Variants in RCOR1 observed in about 807,000 individuals in gnomAD.
The protein encoded by RCOR1 is REST corepressor.
A neutral mutation model predicts 64.0 loss-of-function variants in RCOR1; 12 were observed. That is an observed-to-expected ratio of 0.19 (90% CI 0.12 to 0.30). The LOEUF (loss-of-function observed/expected upper bound fraction) is 0.30. Ranked by LOEUF, RCOR1 falls within the 10% of genes least tolerant of loss-of-function variation. RCOR1 has a pLI of 1.00. For synonymous variants in RCOR1, 279 were observed against 227.2 expected (o/e 1.23, Z -2.05); for missense variants, 502 against 621.2 (o/e 0.81, Z 2.04).
chr14:102,609,943 C>T (rs958998163), intron 2 of RCOR1, among the ~76,000 whole-genome samples: 5 of 152,054 alleles, frequency 3.3e-5, no homozygotes, highest in East Asian at 1.9e-4. Flanking sequence ...ATTGAGCCCA[C>T]CCTGGACAAC....
chr14:102,660,151 C>T (rs1894801648), intron 2 of RCOR1, among the ~76,000 whole-genome samples: 1 of 152,098 alleles, frequency 6.6e-6, no homozygotes, highest in Non-Finnish European at 1.5e-5. Context: ...AGGTACACAC[C>T]TAGAATTTCA....
At position 102,711,024 on chromosome 14, in the gene RCOR1, C is replaced by T; in HGVS notation, c.858+11C>T. 3.8e-6 allele frequency: 6 copies of T among 1,560,094 alleles called. No homozygotes were observed. The highest frequency in any genetic ancestry group is 5.2e-6 in the Non-Finnish European group (6 of 1,145,368). ...GAAAGCAAAAAGGAGGTATTTTTTC[C>T]CCCTAGTATTGTTTAGGCGAATAAA... is the stretch of plus-strand genomic sequence containing the variant. On this transcript the variant is annotated intron_variant, in intron 7 of 11. Coordinates refer to ENST00000262241, the MANE Select transcript of RCOR1 (RefSeq NM_015156.4).
At chr14:102,694,405 C>T (rs1371245892) in intron 3 of RCOR1, among the ~76,000 whole-genome samples, 4 of 152,124 alleles carry the variant, frequency 2.6e-5, no homozygotes, top group East Asian at 1.9e-4. Context: ...TATAGGCACC[C>T]GCCACCATGC....
Position 102,710,965 on chromosome 14 carries a change from C to A in RCOR1, c.810C>A (p.Asn270Lys), listed in dbSNP as rs765076418. The change falls in exon 7 of 12, where the codon AAC becomes AAA. Residue 270 changes from asparagine (N) to lysine (K), a missense_variant. By Grantham distance (94) the Asn-to-Lys change is moderately conservative. Coordinates refer to ENST00000262241, the MANE Select transcript of RCOR1 (RefSeq NM_015156.4). Reference sequence around the variant, plus strand: ...ATGAACTGGAAGAGGCAAATGGAAACAATCCCATTGACATTGAGGTTGATC... The same window carrying A: ...ATGAACTGGAAGAGGCAAATGGAAAAAATCCCATTGACATTGAGGTTGATC... ...SEDELEEANG[N>K]NPIDIEVDQN... 4 of 1,608,592 alleles carry A rather than the reference C, an allele frequency of 2.5e-6. No homozygotes were observed. The Admixed American group carries it at 6.9e-5, about 28-fold the overall frequency.
intron 2 of RCOR1, among the ~76,000 whole-genome samples, chr14:102,678,175 C>T (rs1895230534): frequency 6.6e-6 from 1 of 152,050 alleles, no homozygotes; most frequent in African/African-American, 2.4e-5. Context: ...TTTGGCTCGG[C>T]ATCAGAGGGA....
intron 2 of RCOR1, among the ~76,000 whole-genome samples, chr14:102,651,532 A>C (rs2139929941): frequency 6.6e-6 from 1 of 151,892 alleles, no homozygotes; most frequent in Non-Finnish European, 1.5e-5. Flanking sequence ...TAGCCTGGGC[A>C]ACAGAGTGAG....
At chr14:102,611,400 A>G (rs1403436312) in intron 2 of RCOR1, among the ~76,000 whole-genome samples, 1 of 152,100 alleles carries the variant, frequency 6.6e-6, no homozygotes, top group Non-Finnish European at 1.5e-5. Flanking sequence ...GCCCTTGTCT[A>G]CTAATTCTAT....
intron 2 of RCOR1, among the ~76,000 whole-genome samples, chr14:102,633,462 A>T (rs1301767437): frequency 6.6e-6 from 1 of 152,126 alleles, no homozygotes; most frequent in Non-Finnish European, 1.5e-5. Context: ...TTAAAGTGCT[A>T]GGATTACAGG....
At chr14:102,599,055 A>G (rs548992842) in intron 2 of RCOR1, among the ~76,000 whole-genome samples, 13 of 152,106 alleles carry the variant, frequency 8.5e-5, no homozygotes, top group Non-Finnish European at 1.8e-4. Flanking sequence ...ATGCTTATCT[A>G]TCCTACCTCT....
At chr14:102,624,792 A>AGCCT (rs1184036815) in intron 2 of RCOR1, among the ~76,000 whole-genome samples, 5 of 151,814 alleles carry the variant, frequency 3.3e-5, no homozygotes, top group African/African-American at 1.2e-4. Context: ...AAAAAGCATT[A>AGCCT]CTTAATCTCT....
intron 2 of RCOR1, among the ~76,000 whole-genome samples, chr14:102,664,914 T>A (rs1708410628): frequency 6.6e-6 from 1 of 152,204 alleles, no homozygotes; most frequent in African/African-American, 2.4e-5. Context: ...GGTACAAAAG[T>A]GATACACACT....
intron 2 of RCOR1, among the ~76,000 whole-genome samples, chr14:102,666,411 C>G (rs1386757861): frequency 6.6e-6 from 1 of 152,156 alleles, no homozygotes; most frequent in Non-Finnish European, 1.5e-5. Flanking sequence ...CCCAGTTTCC[C>G]CGTTATTAAC....
intron 2 of RCOR1, among the ~76,000 whole-genome samples, chr14:102,654,123 C>CT (rs1020697924): frequency 6.6e-6 from 1 of 150,922 alleles, no homozygotes. Flanking sequence ...GTAGCTGGGA[C>CT]TACAGGTGCC....
At chr14:102,607,869 G>A (rs967191341) in intron 2 of RCOR1, among the ~76,000 whole-genome samples, 1 of 151,980 alleles carries the variant, frequency 6.6e-6, no homozygotes, top group African/African-American at 2.4e-5. Context: ...GCAACAGAGC[G>A]AGACTCTGTC....
In RCOR1 at chr14:102,632,411, G is replaced by A. The variant is rs150695090; in HGVS notation, c.361+39086G>A. ...TTTTTGTATTTTTAGTAGAGACGGG[G>A]TTTCAACGTGTTCTCGATGTCCTGA... On this transcript the variant is annotated intron_variant, in intron 2 of 11. Transcript: ENST00000262241. Among the ~76,000 whole-genome samples the A allele has an allele frequency of 1.6e-4, 24 of 150,806 alleles. No homozygotes were observed. In the East Asian group the frequency reaches 4.7e-3, roughly 30 times the overall value.
At chr14:102,694,417 C>T (rs374519392) in intron 3 of RCOR1, among the ~76,000 whole-genome samples, 203 of 152,222 alleles carry the variant, frequency 1.3e-3, no homozygotes, top group Middle Eastern at 6.8e-3. Context: ...CCACCATGCC[C>T]GGCTAATTTT....
chr14:102,595,821 C>T (rs866459956), intron 2 of RCOR1, among the ~76,000 whole-genome samples: 5 of 152,034 alleles, frequency 3.3e-5, no homozygotes, highest in Admixed American at 2.0e-4. Flanking sequence ...CCTCGTGATC[C>T]GCCCGTCTCG....
chr14:102,658,430 G>A, intron 2 of RCOR1: 1 of 720,946 alleles, frequency 1.4e-6, no homozygotes, highest in South Asian at 6.3e-5. Context: ...AGAAGTTGCA[G>A]TGAGCCAAGA....
At chr14:102,716,210 A>G (rs1282265151) in intron 8 of RCOR1, among the ~76,000 whole-genome samples, 1 of 151,378 alleles carries the variant, frequency 6.6e-6, no homozygotes, top group African/African-American at 2.4e-5. Flanking sequence ...TGACATGTCT[A>G]CTCAAGTCTC....
Sources: allele counts gnomAD v4.1 joint callset (sites outside exome capture counted in the v4.1 genomes callset), GRCh38; gene constraint gnomAD v4.1.1; transcripts MANE v1.5; gene names NCBI Gene and HGNC (gene_info 2026-07-23, HGNC 2026-07-21).